WNT7B: variants seen among roughly 807,000 people sequenced by gnomAD.
The protein encoded by WNT7B is protein Wnt-7b.
WNT7B carries 19 observed loss-of-function variants against 38.2 expected under a neutral mutation model. That is an observed-to-expected ratio of 0.50 (90% confidence interval 0.35 to 0.73). The LOEUF (loss-of-function observed/expected upper bound fraction) is 0.73, where lower values mean the gene tolerates loss of function less well. Ranked by LOEUF, WNT7B falls within the 30% of genes least tolerant of loss-of-function variation. WNT7B has a pLI of 0.01. For missense variants in WNT7B, 423 were observed against 507.9 expected (o/e 0.83, Z 1.61); for synonymous variants, 243 against 209.3 (o/e 1.16, Z -1.39).
chr22:45,955,661 C>G (rs1932041546), intron 1 of WNT7B, among the ~76,000 whole-genome samples: 1 of 152,320 alleles, frequency 6.6e-6, no homozygotes, highest in East Asian at 1.9e-4. Context: ...CGGCTCATCC[C>G]CCTGCACTGA....
chr22:45,964,237 C>A (rs1406529118), intron 1 of WNT7B, among the ~76,000 whole-genome samples: 1 of 152,146 alleles, frequency 6.6e-6, no homozygotes, highest in Non-Finnish European at 1.5e-5. Flanking sequence ...TGCCTGGCAT[C>A]CAGGGATCCT....
intron 1 of WNT7B, among the ~76,000 whole-genome samples, chr22:45,950,552 C>T (rs1931908310): frequency 1.3e-5 from 2 of 152,244 alleles, no homozygotes; most frequent in South Asian, 2.1e-4. Context: ...CCCAACTCCC[C>T]GACCAATGGG....
At chr22:45,942,968 T>C (rs369361418) in intron 2 of WNT7B, among the ~76,000 whole-genome samples, 9 of 150,836 alleles carry the variant, frequency 6.0e-5, no homozygotes, top group East Asian at 1.9e-4. Context: ...TGCATGTGTG[T>C]GTGCGTGTGT....
chr22:45,965,601 C>T lies in WNT7B; in HGVS notation c.71+11083G>A, dbSNP rs951819035. Among the ~76,000 whole-genome samples the T allele has an allele frequency of 2.6e-5, 4 of 152,148 alleles. No individual in the cohort carries two copies. The highest frequency in any genetic ancestry group is 9.7e-5 in the African/African-American group (4 of 41,426). On this transcript the variant is annotated intron_variant, in intron 1 of 3. Transcript: ENST00000339464. This position sits in a 1 kb window ranked among gnomAD's most constrained non-coding sequence, Gnocchi z 6.5. ...GCCCACAGCTGAGCCAGGAACAGGA[C>T]CTGGGCATCCAGGACCACACACATG...
chr22:45,972,888 G>A (rs563764166), intron 1 of WNT7B, among the ~76,000 whole-genome samples: 6 of 152,382 alleles, frequency 3.9e-5, no homozygotes, highest in African/African-American at 1.4e-4. Context: ...GTGTGCCTGC[G>A]GGAGCGTGGG....
At chr22:45,943,634 G>A (rs538102194) in intron 2 of WNT7B, among the ~76,000 whole-genome samples, 5 of 152,316 alleles carry the variant, frequency 3.3e-5, no homozygotes, top group African/African-American at 1.2e-4. Flanking sequence ...GATCCTGGCG[G>A]GCGGTTCCCT....
chr22:45,940,008 T>A (rs925317996), intron 2 of WNT7B, among the ~76,000 whole-genome samples: 2 of 152,146 alleles, frequency 1.3e-5, no homozygotes, highest in African/African-American at 4.8e-5. Flanking sequence ...CAGGGTTTCT[T>A]TCTGGGGTGA....
chr22:45,935,188 A>C (rs534037653), intron 2 of WNT7B, among the ~76,000 whole-genome samples: 2 of 152,316 alleles, frequency 1.3e-5, no homozygotes, highest in South Asian at 4.1e-4. Context: ...ACAGCGAGCC[A>C]GTGCTTAGAC....
At chr22:45,957,233 T>C (rs1041160815) in intron 1 of WNT7B, among the ~76,000 whole-genome samples, 3 of 151,016 alleles carry the variant, frequency 2.0e-5, no homozygotes, top group African/African-American at 4.9e-5. Flanking sequence ...GTATGCCACA[T>C]GTATGTAAAA....
chr22:45,958,477 G>C (rs1321842545), intron 1 of WNT7B, among the ~76,000 whole-genome samples: 1 of 152,218 alleles, frequency 6.6e-6, no homozygotes. Context: ...CCCTCATGCT[G>C]TCGGGGTCTT....
In WNT7B at chr22:45,923,425, A is replaced by G. The variant is rs111437097; in HGVS notation, c.571-90T>C. 6.2e-4 allele frequency: 927 copies of G among 1,491,132 alleles called. 5 individuals carry two copies. The African/African-American group carries it at 0.012, about 19-fold the overall frequency. The allele number at this position is 1,491,132 out of a possible 1,614,324, so 92.4% of individuals were successfully genotyped here. The stretch of plus-strand genomic sequence containing the variant: ...ACCCCTGCCTCTAGCCCAGCCCTGG[A>G]GCCCGCTCCTCCCCTTGGGCTGTGT... On this transcript the variant is annotated intron_variant, in intron 3 of 3. Transcript: ENST00000339464.
intron 1 of WNT7B, among the ~76,000 whole-genome samples, chr22:45,960,795 G>A (rs773640646): frequency 3.3e-5 from 5 of 152,328 alleles, no homozygotes; most frequent in East Asian, 1.9e-4. Flanking sequence ...ACCCAGGGCC[G>A]AGTCCTCGCC....
rs1259860237 is a variant in WNT7B at position 45,975,557 on chromosome 22, G to A, written c.71+1127C>T. 2 of 716,950 alleles carry A rather than the reference G, an allele frequency of 2.8e-6. No homozygotes were observed. The highest frequency in any genetic ancestry group is 1.7e-5 in the African/African-American group (1 of 57,246). 44.4% of individuals were successfully genotyped at this position (716,950 alleles called of 1,614,324 possible). A position where few individuals can be genotyped will look rare whatever the true frequency, so the allele number is the denominator to read the frequency against. On this transcript the variant is annotated intron_variant, in intron 1 of 3. Transcript: ENST00000339464. The surrounding 1 kb of genome is among the most constrained non-coding windows in gnomAD (Gnocchi z 6.6). ...TCAGTTTCTCCACCTGTAAAATGGC[G>A]GGGCAGACATGGGATGGAGGGTGAT...
At chr22:45,933,302 G>A (rs546803310) in intron 2 of WNT7B, among the ~76,000 whole-genome samples, 2 of 152,326 alleles carry the variant, frequency 1.3e-5, no homozygotes, top group Admixed American at 6.5e-5. Context: ...GCTGCAGGCA[G>A]CACAGCCCCT....
At position 45,970,381 on chromosome 22, in the gene WNT7B, G is replaced by A. The variant is rs547258604; in HGVS notation, c.71+6303C>T. ...TGGCGGGGGTAGTCACTGCAGGCCC[G>A]GATGAGGGGCCAGCCCTGAGGTAAA... On this transcript the variant is annotated intron_variant, in intron 1 of 3. Coordinates refer to ENST00000339464, the MANE Select transcript of WNT7B (RefSeq NM_058238.3). Among the ~76,000 whole-genome samples, 10 of 152,330 alleles carry A rather than the reference G, an allele frequency of 6.6e-5. No homozygotes were observed. The East Asian group carries it at 7.7e-4, about 12-fold the overall frequency.
chr22:45,944,717 A>G (rs1931753190), intron 2 of WNT7B, among the ~76,000 whole-genome samples: 1 of 152,220 alleles, frequency 6.6e-6, no homozygotes, highest in Non-Finnish European at 1.5e-5. Flanking sequence ...GTGCTCACCC[A>G]TCGTGTCCTG....
At position 45,927,130 on chromosome 22, in the gene WNT7B, A is replaced by C. The variant is rs138323873; in HGVS notation, c.571-3795T>G. 6.9e-4 allele frequency: 682 copies of C among 985,446 alleles called. 5 individuals are homozygous for C. In the African/African-American group the frequency reaches 0.011, roughly 16 times the overall value. 61.0% of individuals were successfully genotyped at this position (985,446 alleles called of 1,614,324 possible). On this transcript the variant is annotated intron_variant, in intron 3 of 3. Coordinates refer to ENST00000339464, the MANE Select transcript of WNT7B (RefSeq NM_058238.3). ...CCTTCACTGGGTTGGTCTTGGGGGC[A>C]TGGCCTCTGTCTGCCCTGCTGACCT... is the stretch of plus-strand genomic sequence containing the variant.
At chr22:45,929,353 TATCC>T (rs1238828185) in intron 3 of WNT7B, among the ~76,000 whole-genome samples, 4 of 151,400 alleles carry the variant, frequency 2.6e-5, no homozygotes, top group African/African-American at 9.7e-5. Context: ...CTCATTCCTT[TATCC>T]ATCCATCTAT....
chr22:45,941,509 CAAA>C (rs1166391533), intron 2 of WNT7B, among the ~76,000 whole-genome samples: 2,141 of 79,246 alleles, frequency 0.027, 62 homozygotes, highest in African/African-American at 0.072. Flanking sequence ...GCCTTTGTCT[CAAA>C]AAAAAAAAAA....
Sources: allele counts gnomAD v4.1 joint callset (sites outside exome capture counted in the v4.1 genomes callset), GRCh38; gene constraint gnomAD v4.1.1; non-coding constraint Gnocchi (gnomAD v3.1); transcripts MANE v1.5; gene names NCBI Gene and HGNC (gene_info 2026-07-23, HGNC 2026-07-21).